The following CYRIB variants were observed in gnomAD, a reference collection of about 807,000 sequenced individuals.
CYRIB encodes CYFIP-related Rac1 interactor B.
CYRIB carries 8 observed loss-of-function variants against 44.2 expected under a neutral mutation model. The observed-to-expected ratio is 0.18, with a 90% CI of 0.11 to 0.33. CYRIB has a LOEUF of 0.33. CYRIB is among the 10% of genes least tolerant of loss of function. The pLI is 1.00. For synonymous variants in CYRIB, 131 were observed against 127.2 expected (o/e 1.03, Z -0.20); for missense variants, 185 against 382.8 (o/e 0.48, Z 4.31).
chr8:129,851,286 T>C (rs80274838), intron 8 of CYRIB: 8,225 of 202,766 alleles, frequency 0.041, 277 homozygotes, highest in African/African-American at 0.1. Flanking sequence ...ACATGGTTTA[T>C]GTTTTAAGAT....
chr8:129,943,082 G>A (rs1387324996), upstream of CYRIB, among the ~76,000 whole-genome samples: 2 of 117,102 alleles, frequency 1.7e-5, no homozygotes, highest in South Asian at 2.7e-4. Flanking sequence ...TTTTTGCACC[G>A]CCCACCCGCC....
chr8:130,011,539 T>C (rs35475892), intron 1 of CYRIB, among the ~76,000 whole-genome samples: 92,279 of 150,224 alleles, frequency 0.61, 28,284 homozygotes, highest in South Asian at 0.68. Context: ...AAAATTAGGC[T>C]GGGCATGGTG....
chr8:129,854,306 T>C (rs1225519809), exon 7 of CYRIB: 1 of 1,611,240 alleles, frequency 6.2e-7, no homozygotes, highest in Admixed American at 1.7e-5. Context: ...TGTTCTTCTA[T>C]AATAGCTGAA....
intron 10 of CYRIB, among the ~76,000 whole-genome samples, chr8:129,848,569 C>G (rs1446238227): frequency 2.0e-5 from 3 of 152,132 alleles, no homozygotes; most frequent in Non-Finnish European, 4.4e-5. Context: ...GAGCATCCTA[C>G]TGGCTGTCTT....
intron 2 of CYRIB, among the ~76,000 whole-genome samples, chr8:129,899,214 A>C (rs2070098069): frequency 6.6e-6 from 1 of 152,166 alleles, no homozygotes; most frequent in South Asian, 2.1e-4. Context: ...GAAAGAAGTA[A>C]AATTTTACAG....
Position 129,930,993 on chromosome 8 carries a change from A to G in CYRIB, c.-50+8615T>C, listed in dbSNP as rs112892265. 9.2e-3 allele frequency among the ~76,000 whole-genome samples: 1,396 copies of G among 152,348 alleles called. 18 individuals are homozygous for G. The highest frequency in any genetic ancestry group is 0.032 in the African/African-American group (1,322 of 41,582). On this transcript the variant is annotated intron_variant, in intron 1 of 11. Transcript: ENST00000519824. ...TACTAAATACCAGGACACATTTAGT[A>G]TCTAACATTTAAATAAAAATAAATT...
chr8:129,954,922 C>A (rs2094712939), intron 2 of CYRIB, among the ~76,000 whole-genome samples: 1 of 152,170 alleles, frequency 6.6e-6, no homozygotes, highest in Non-Finnish European at 1.5e-5. Context: ...CTACACACAA[C>A]ACACAAATCT....
At chr8:129,913,145 G>A (rs1247373736) in intron 1 of CYRIB, among the ~76,000 whole-genome samples, 2 of 151,728 alleles carry the variant, frequency 1.3e-5, no homozygotes, top group African/African-American at 4.8e-5. Flanking sequence ...CTAATTTTTT[G>A]TATTTTTAGT....
At chr8:129,865,083 A>G (rs1436702421) in intron 4 of CYRIB, 1 of 156,216 alleles carries the variant, frequency 6.4e-6, no homozygotes, top group African/African-American at 2.4e-5. Context: ...TGTATAATTA[A>G]TATCTAATAA....
chr8:129,941,626 A>G (rs1339033561), upstream of CYRIB, among the ~76,000 whole-genome samples: 3 of 152,148 alleles, frequency 2.0e-5, no homozygotes, highest in East Asian at 5.8e-4. Flanking sequence ...TCCTAATCCA[A>G]GAAGCTTGGT....
In CYRIB at chr8:129,888,485, C is replaced by G. The variant is rs185384626; in HGVS notation, c.-10-9014G>C. On this transcript the variant is annotated intron_variant, in intron 2 of 11. Coordinates refer to ENST00000519824, the Ensembl canonical transcript of CYRIB. Reference sequence around the variant, plus strand: ...TCTGGCCTCATCTTTCTTTACTCTCCACTGCACACATGCGCATCTAACCAC... The same window carrying G: ...TCTGGCCTCATCTTTCTTTACTCTCGACTGCACACATGCGCATCTAACCAC... Among the ~76,000 whole-genome samples, 3 of 152,292 alleles carry G rather than the reference C, an allele frequency of 2.0e-5. No individual in the cohort carries two copies. In the East Asian group the frequency reaches 5.8e-4, roughly 29 times the overall value.
At chr8:130,009,687 G>A (rs1180916182) in intron 1 of CYRIB, among the ~76,000 whole-genome samples, 1 of 152,198 alleles carries the variant, frequency 6.6e-6, no homozygotes. Context: ...CATGGGAGAA[G>A]GACGTGTATA....
intron 5 of CYRIB, among the ~76,000 whole-genome samples, chr8:129,856,174 A>C (rs1796494247): frequency 6.6e-6 from 1 of 152,236 alleles, no homozygotes; most frequent in Admixed American, 6.5e-5. Context: ...ATGCCTATGA[A>C]TCAATTACCA....
chr8:129,918,031 T>C (rs964780490), intron 1 of CYRIB, among the ~76,000 whole-genome samples: 1 of 152,170 alleles, frequency 6.6e-6, no homozygotes, highest in Non-Finnish European at 1.5e-5. Flanking sequence ...TTACTTCATT[T>C]TCACGTGTTT....
At chr8:129,909,167 G>GT (rs1554611909) in intron 1 of CYRIB, among the ~76,000 whole-genome samples, 4 of 151,484 alleles carry the variant, frequency 2.6e-5, no homozygotes, top group African/African-American at 7.2e-5. Flanking sequence ...TATCTCTAAA[G>GT]TTTTTTTTTA....
At chr8:129,928,626 C>T (rs1178969094) in intron 1 of CYRIB, among the ~76,000 whole-genome samples, 1 of 150,782 alleles carries the variant, frequency 6.6e-6, no homozygotes, top group Non-Finnish European at 1.5e-5. Flanking sequence ...TGCCACTATA[C>T]TCCAGCCTGA....
chr8:129,930,379 A>ATATATATATATATATATTTT (rs971468534), intron 1 of CYRIB, among the ~76,000 whole-genome samples: 1 of 130,136 alleles, frequency 7.7e-6, no homozygotes, highest in South Asian at 2.4e-4. Context: ...ATATATATAT[A>ATATATATATATATATATTTT]TTTTAATTAT....
intron 1 of CYRIB, among the ~76,000 whole-genome samples, chr8:130,007,281 T>C (rs2097124374): frequency 1.3e-5 from 2 of 152,152 alleles, no homozygotes; most frequent in Non-Finnish European, 2.9e-5. Context: ...GCTACACAAC[T>C]CCATTCATAG....
At position 129,956,565 on chromosome 8, in the gene CYRIB, C is replaced by T. The variant is rs193187283; in HGVS notation, c.-243+14378G>A. Among the ~76,000 whole-genome samples, 182 of 151,750 alleles carry T rather than the reference C, an allele frequency of 1.2e-3. 1 individual carries two copies. In the Middle Eastern group the frequency reaches 0.021, roughly 17 times the overall value. On this transcript the variant is annotated intron_variant, in intron 2 of 14. Transcript: ENST00000401979. The stretch of plus-strand genomic sequence containing the variant: ...CACACACACACACACACACCTGCTC[C>T]CAAGTTCCATGAATCATGCTCCCTG...
Sources: allele counts gnomAD v4.1 joint callset (sites outside exome capture counted in the v4.1 genomes callset), GRCh38; gene constraint gnomAD v4.1.1; transcripts MANE v1.5; gene names NCBI Gene and HGNC (gene_info 2026-07-23, HGNC 2026-07-21).